Variants in NADK2 observed in about 807,000 individuals in gnomAD.
NADK2 encodes the protein NAD kinase domain-containing protein 1, mitochondrial.
A neutral mutation model predicts 62.1 loss-of-function variants in NADK2; 35 were observed. The ratio of observed to expected loss-of-function variants is 0.56; its 90% CI spans 0.43 to 0.75. The LOEUF is 0.75. Among genes scored for constraint, NADK2 ranks in the 30% least tolerant of loss-of-function variants. NADK2 has a pLI of 0.00. For synonymous variants in NADK2, 205 were observed against 207.9 expected (o/e 0.99, Z 0.12); for missense variants, 439 against 561.3 (o/e 0.78, Z 2.20).
intron 6 of NADK2, among the ~76,000 whole-genome samples, chr5:36,217,464 T>C (rs1747086962): frequency 6.6e-6 from 1 of 152,056 alleles, no homozygotes. Flanking sequence ...ATTTCAAAGA[T>C]TAAGGCCAAG....
chr5:36,227,665 G>C, intron 1 of NADK2, 100 bp from the exon 2 acceptor site: 2 of 561,326 alleles, frequency 3.6e-6, no homozygotes, highest in South Asian at 1.4e-4. Flanking sequence ...ATAATTTTTT[G>C]AAAATATATT....
rs1748101793 is a variant in NADK2 at position 36,241,210 on chromosome 5, G to C, written c.300+289C>G. On this transcript the variant is annotated intron_variant, in intron 1 of 11. Transcript: ENST00000381937. The surrounding 1 kb of genome is among the most constrained non-coding windows in gnomAD (Gnocchi z 4.9). ...CAAACCCCTCACTCTGAGGCCACTCGGCAGCCCCTCTTCGCCCTCCCCGCG... is the reference window on the plus strand; with the variant it reads ...CAAACCCCTCACTCTGAGGCCACTCCGCAGCCCCTCTTCGCCCTCCCCGCG... 1 of 334,604 alleles carries C rather than the reference G, an allele frequency of 3.0e-6. No individual in the cohort carries two copies. Among genetic ancestry groups the C allele is most frequent in the South Asian group, 6.2e-5 (1 of 16,068 alleles). The allele number at this position is 334,604 out of a possible 1,614,324, so 20.7% of individuals were successfully genotyped here. A position where few individuals can be genotyped will look rare whatever the true frequency, so the allele number is the denominator to read the frequency against.
At chr5:36,241,997 T>C (rs915345501), upstream of NADK2, 12 of 299,724 alleles carry the variant, frequency 4.0e-5, no homozygotes, top group South Asian at 1.4e-4. This position sits in a 1 kb window ranked among gnomAD's most constrained non-coding sequence, Gnocchi z 4.9. Context: ...AGCGTGGCGA[T>C]TGGGAAACGG....
chr5:36,201,605 T>TA (rs1409655731), intron 8 of NADK2, among the ~76,000 whole-genome samples: 4 of 151,956 alleles, frequency 2.6e-5, no homozygotes, highest in Non-Finnish European at 5.9e-5. Flanking sequence ...TATGTAAGGA[T>TA]AACCAAAATA....
At chr5:36,208,577 A>AT (rs1443534863) in intron 7 of NADK2, 2 of 1,305,018 alleles carry the variant, frequency 1.5e-6, no homozygotes, top group Non-Finnish European at 2.1e-6. Flanking sequence ...AGTTCATAGA[A>AT]TTTTTGTTTC....
At chr5:36,230,776 C>G (rs1308391277) in intron 1 of NADK2, among the ~76,000 whole-genome samples, 2 of 114,898 alleles carry the variant, frequency 1.7e-5, no homozygotes, top group Admixed American at 9.5e-5. Context: ...ACACTTTACA[C>G]AGCTAGAAGT....
chr5:36,225,500 C>G (rs979778684), intron 4 of NADK2, 42 bp downstream of exon 4: 46 of 1,535,056 alleles, frequency 3.0e-5, no homozygotes, highest in Non-Finnish European at 3.9e-5. Context: ...ACTTAAAAAG[C>G]ACACCACACA....
chr5:36,223,413 C>A (rs1747349365), intron 4 of NADK2, among the ~76,000 whole-genome samples: 1 of 152,036 alleles, frequency 6.6e-6, no homozygotes, highest in Admixed American at 6.5e-5. Flanking sequence ...TAATCAGCCT[C>A]CCTAGAGACA....
intron 1 of NADK2, among the ~76,000 whole-genome samples, chr5:36,235,530 A>G (rs902268242): frequency 3.9e-5 from 6 of 152,198 alleles, no homozygotes; most frequent in African/African-American, 1.4e-4. Context: ...CTTGCTCAAG[A>G]TTACAAAGAC....
chr5:36,238,240 T>C (rs1747981029), intron 1 of NADK2, among the ~76,000 whole-genome samples: 1 of 152,244 alleles, frequency 6.6e-6, no homozygotes, highest in South Asian at 2.1e-4. Flanking sequence ...TGCTACAACC[T>C]AAGCCACAAA....
chr5:36,208,480 C>T (rs1746720578), intron 7 of NADK2: 1 of 608,150 alleles, frequency 1.6e-6, no homozygotes, highest in African/African-American at 1.9e-5. Flanking sequence ...GAGAGAAAGA[C>T]AAGTACAGTC....
At chr5:36,240,957 C>T (rs576410539) in intron 1 of NADK2, among the ~76,000 whole-genome samples, 1 of 152,348 alleles carries the variant, frequency 6.6e-6, no homozygotes, top group East Asian at 1.9e-4. Context: ...GAAGGACTTT[C>T]CGGAGTGCCC....
Position 36,193,726 on chromosome 5 carries a change from T to C in NADK2, c.*1418A>G, listed in dbSNP as rs1389947801. 1 of 152,614 alleles carries C rather than the reference T, an allele frequency of 6.6e-6. No homozygotes were observed. Among genetic ancestry groups the C allele is most frequent in the Non-Finnish European group, 1.5e-5 (1 of 68,028 alleles). 9.5% of individuals were successfully genotyped at this position (152,614 alleles called of 1,614,324 possible). A position where few individuals can be genotyped will look rare whatever the true frequency, so the allele number is the denominator to read the frequency against. ...TCAAAACCTAGATTAACTTTGTACA[T>C]TAACATTTATTTTAAAAAATTGATA... is the stretch of plus-strand genomic sequence containing the variant. On this transcript the variant is annotated 3_prime_UTR_variant, in exon 12 of 12. Transcript: ENST00000381937.
Position 36,217,853 on chromosome 5 carries a change from G to C in NADK2, c.676C>G (p.Leu226Val), listed in dbSNP as rs776251046. The stretch of plus-strand genomic sequence containing the variant: ...ACAGGGTTTATGCCAGTCCCTTCAA[G>C]GTATAACCTGATTCTCTGCCTCCAC... ...WLWRQRIRLY[L>V]EGTGINPVPV... The change falls in exon 6 of 12, where the codon CTT becomes GTT. Residue 226 changes from leucine (L) to valine (V), a missense_variant. Leu to Val is a conservative substitution (Grantham distance 32). Coordinates refer to ENST00000381937, the MANE Select transcript of NADK2 (RefSeq NM_001085411.3). 1 of 1,613,492 alleles carries C rather than the reference G, an allele frequency of 6.2e-7. No homozygotes were observed. Among genetic ancestry groups the C allele is most frequent in the Non-Finnish European group, 8.5e-7 (1 of 1,179,704 alleles).
chr5:36,219,811 T>C, intron 4 of NADK2, 132 bp from the exon 5 acceptor site: 1 of 639,732 alleles, frequency 1.6e-6, no homozygotes. Flanking sequence ...TACCCTATAT[T>C]CCATTTTTTG....
At chr5:36,234,679 T>C (rs1747838300) in intron 1 of NADK2, among the ~76,000 whole-genome samples, 1 of 152,238 alleles carries the variant, frequency 6.6e-6, no homozygotes, top group African/African-American at 2.4e-5. Flanking sequence ...TATTTCCATT[T>C]TTAAAATTCT....
intron 1 of NADK2, among the ~76,000 whole-genome samples, chr5:36,232,913 T>A (rs1261421378): frequency 6.6e-6 from 1 of 152,154 alleles, no homozygotes; most frequent in Non-Finnish European, 1.5e-5. Flanking sequence ...CACAAATAGT[T>A]CAGGTACCTC....
At chr5:36,210,786 T>C (rs1444250092) in intron 7 of NADK2, among the ~76,000 whole-genome samples, 1 of 152,184 alleles carries the variant, frequency 6.6e-6, no homozygotes, top group African/African-American at 2.4e-5. Flanking sequence ...GAAGCACTAA[T>C]AGGAAATCTT....
Position 36,195,081 on chromosome 5 carries a change from G to A in NADK2, c.*63C>T. 1 of 1,541,198 alleles carries A rather than the reference G, an allele frequency of 6.5e-7. No homozygotes were observed. Among genetic ancestry groups the A allele is most frequent in the Admixed American group, 2.0e-5 (1 of 50,190 alleles). ...ACCAAAAAATGTCACTTTACGACTGGTAGTCTGTTTCTGAAGTAAAAATAT... is the reference window on the plus strand; with the variant it reads ...ACCAAAAAATGTCACTTTACGACTGATAGTCTGTTTCTGAAGTAAAAATAT... On this transcript the variant is annotated 3_prime_UTR_variant, in exon 12 of 12. Coordinates refer to ENST00000381937, the MANE Select transcript of NADK2 (RefSeq NM_001085411.3).
Sources: allele counts gnomAD v4.1 joint callset (sites outside exome capture counted in the v4.1 genomes callset), GRCh38; gene constraint gnomAD v4.1.1; non-coding constraint Gnocchi (gnomAD v3.1); transcripts MANE v1.5; gene names NCBI Gene and HGNC (gene_info 2026-07-23, HGNC 2026-07-21).